Variants in SCGB2B2 observed in about 807,000 individuals in gnomAD.
SCGB2B2 encodes secretoglobin family 2B member 2.
Under a neutral mutation model 7.6 loss-of-function variants are expected in SCGB2B2, and 11 were observed. That is an observed-to-expected ratio of 1.45 (90% confidence interval 0.91 to 2.40). The LOEUF (loss-of-function observed/expected upper bound fraction) is 2.40, where lower values mean the gene tolerates loss of function less well. Ranked by LOEUF, SCGB2B2 falls within the 30% of genes most tolerant of loss-of-function variation. The pLI is 0.00. For synonymous variants in SCGB2B2, 50 were observed against 48.6 expected (o/e 1.03, Z -0.12); for missense variants, 104 against 115.4 (o/e 0.90, Z 0.45).
At chr19:34,613,088 CTTCA>C (rs987221808) in intron 1 of SCGB2B2, among the ~76,000 whole-genome samples, 25 of 117,340 alleles carry the variant, frequency 2.1e-4, no homozygotes, top group Non-Finnish European at 3.3e-4. Context: ...TTTTCCATCT[CTTCA>C]TTTTCTTTTC....
intron 1 of SCGB2B2, among the ~76,000 whole-genome samples, chr19:34,613,439 G>C (rs113037073): frequency 1.3e-5 from 2 of 152,312 alleles, no homozygotes; most frequent in Middle Eastern, 3.4e-3. Context: ...CTTTATAGGT[G>C]AAGTGAGTTT....
At chr19:34,669,851 C>A (rs570669457) in intron 1 of SCGB2B2, among the ~76,000 whole-genome samples, 1 of 152,316 alleles carries the variant, frequency 6.6e-6, no homozygotes, top group South Asian at 2.1e-4. Flanking sequence ...GCACACCATG[C>A]CACACAGGGC....
intron 1 of SCGB2B2, among the ~76,000 whole-genome samples, chr19:34,610,656 G>T (rs941715711): frequency 3.3e-5 from 5 of 152,026 alleles, no homozygotes; most frequent in African/African-American, 1.2e-4. Flanking sequence ...ATTCCTGGGA[G>T]AAATCCCACT....
chr19:34,610,493 G>C (rs958063346), intron 1 of SCGB2B2, among the ~76,000 whole-genome samples: 3 of 151,994 alleles, frequency 2.0e-5, no homozygotes, highest in Non-Finnish European at 4.4e-5. Context: ...TTCTATACCC[G>C]GTTTGTTAAG....
chr19:34,639,121 G>T (rs148792062), intron 1 of SCGB2B2, among the ~76,000 whole-genome samples: 19 of 152,248 alleles, frequency 1.2e-4, no homozygotes, highest in African/African-American at 4.3e-4. Flanking sequence ...TTTCCTTACA[G>T]GAAAATCCAT....
chr19:34,604,441 C>T (rs2065721482), intron 1 of SCGB2B2, among the ~76,000 whole-genome samples: 1 of 152,180 alleles, frequency 6.6e-6, no homozygotes, highest in South Asian at 2.1e-4. Flanking sequence ...CAAGTCCTAC[C>T]AGGCCCACAG....
chr19:34,598,664 C>T (rs1172286858), intron 1 of SCGB2B2, among the ~76,000 whole-genome samples: 1 of 152,002 alleles, frequency 6.6e-6, no homozygotes, highest in African/African-American at 2.4e-5. Context: ...ATCTGCCAGT[C>T]CCCATTTCCT....
At chr19:34,657,463 A>G (rs1403586518) in intron 1 of SCGB2B2, among the ~76,000 whole-genome samples, 3 of 151,506 alleles carry the variant, frequency 2.0e-5, no homozygotes, top group Non-Finnish European at 4.4e-5. Context: ...AGTCTCTGAT[A>G]AAACACACTT....
Position 34,595,790 on chromosome 19 carries a change from AC to A in SCGB2B2, c.-1228del, listed in dbSNP as rs1222403700. 6.6e-6 allele frequency: 1 copy of A among 152,212 alleles called. No homozygotes were observed. Among genetic ancestry groups the A allele is most frequent in the African/African-American group, 2.4e-5 (1 of 41,420 alleles). 9.4% of individuals were successfully genotyped at this position (152,212 alleles called of 1,614,324 possible). The stretch of plus-strand genomic sequence containing the variant: ...GACAGGACCCTAAATTGTAAGTGTG[AC>A]CCCAGGGGCAGAATCAGCAGGTGGG... On this transcript the variant is annotated 5_prime_UTR_variant, in exon 2 of 4. Transcript: ENST00000601241.
chr19:34,618,442 C>A (rs2066150406), intron 1 of SCGB2B2, among the ~76,000 whole-genome samples: 1 of 152,180 alleles, frequency 6.6e-6, no homozygotes, highest in Non-Finnish European at 1.5e-5. Context: ...TATTGTTTAA[C>A]CTACAGAGAA....
intron 1 of SCGB2B2, among the ~76,000 whole-genome samples, chr19:34,598,329 C>T (rs1201817899): frequency 6.6e-6 from 1 of 152,166 alleles, no homozygotes; most frequent in African/African-American, 2.4e-5. Flanking sequence ...TGGAGCAAAC[C>T]GACCTGAGCC....
At chr19:34,628,157 C>G (rs922778165) in intron 1 of SCGB2B2, among the ~76,000 whole-genome samples, 1 of 151,994 alleles carries the variant, frequency 6.6e-6, no homozygotes, top group East Asian at 1.9e-4. Flanking sequence ...TAAATGCCCA[C>G]AAGAGAAAGC....
chr19:34,671,143 T>C (rs547149478), intron 1 of SCGB2B2, among the ~76,000 whole-genome samples: 4 of 152,328 alleles, frequency 2.6e-5, no homozygotes, highest in African/African-American at 7.2e-5. Flanking sequence ...CTTGAACTCC[T>C]GACCTCATGA....
rs112631816 is a variant in SCGB2B2, at chr19:34,642,120, C to T, written c.-2032+33510G>A. 9.1e-3 allele frequency among the ~76,000 whole-genome samples: 1,391 copies of T among 152,338 alleles called. 22 individuals are homozygous for T. Among genetic ancestry groups the T allele is most frequent in the African/African-American group, 0.032 (1,335 of 41,578 alleles). On this transcript the variant is annotated intron_variant, in intron 1 of 3. Transcript: ENST00000601241. The stretch of plus-strand genomic sequence containing the variant: ...AAAAGGGTAAAAACTTCTTACCCGA[C>T]AGGCTTCCAGCCTCTCTTTCTGTGC...
chr19:34,655,760 G>T (rs915438027), intron 1 of SCGB2B2, among the ~76,000 whole-genome samples: 6 of 151,300 alleles, frequency 4.0e-5, no homozygotes, highest in Non-Finnish European at 8.8e-5. Flanking sequence ...AATAAGAAAA[G>T]TGAGAAACCC....
chr19:34,676,066 T>G lies in SCGB2B2; in HGVS notation c.-2468A>C, dbSNP rs764664902. 6.6e-6 allele frequency: 1 copy of G among 152,250 alleles called. No individual in the cohort carries two copies. Among genetic ancestry groups the G allele is most frequent in the Non-Finnish European group, 1.5e-5 (1 of 68,074 alleles). The allele number at this position is 152,250 out of a possible 1,614,324, so 9.4% of individuals were successfully genotyped here. A position where few individuals can be genotyped will look rare whatever the true frequency, so the allele number is the denominator to read the frequency against. On this transcript the variant is annotated 5_prime_UTR_variant, in exon 1 of 4. Transcript: ENST00000601241. ...TGGTTGTTCGGGTGGCCCGTTTTTA[T>G]TCCCTTATTTGGCCCCGCCCACATC...
intron 1 of SCGB2B2, among the ~76,000 whole-genome samples, chr19:34,598,631 G>A (rs2065530170): frequency 6.6e-6 from 1 of 152,116 alleles, no homozygotes; most frequent in Admixed American, 6.5e-5. Flanking sequence ...GCTGGGTGTG[G>A]CCCTGTAGGC....
chr19:34,608,508 G>T (rs1311391681), intron 1 of SCGB2B2, among the ~76,000 whole-genome samples: 1 of 151,080 alleles, frequency 6.6e-6, no homozygotes, highest in Non-Finnish European at 1.5e-5. Context: ...CCTTCTATGA[G>T]ATGAACTTTT....
intron 1 of SCGB2B2, among the ~76,000 whole-genome samples, chr19:34,669,818 C>T (rs773846976): frequency 5.3e-5 from 8 of 151,526 alleles, no homozygotes; most frequent in Non-Finnish European, 7.4e-5. Flanking sequence ...CGATGGAAAA[C>T]ATTATTATTT....
Sources: gnomAD v4.1 joint callset for allele counts (sites outside exome capture counted in the v4.1 genomes callset) on GRCh38, gnomAD v4.1.1 for gene constraint, MANE v1.5 for transcripts, NCBI Gene and HGNC (gene_info 2026-07-23, HGNC 2026-07-21) for gene names.